The following DAD1 variants were observed in gnomAD, a reference collection of about 807,000 sequenced individuals.
DAD1 encodes dolichyl-diphosphooligosaccharide--protein glycosyltransferase subunit DAD1.
A neutral mutation model predicts 9.0 loss-of-function variants in DAD1; 4 were observed. That is an observed-to-expected ratio of 0.44 (90% CI 0.22 to 1.01). The LOEUF (loss-of-function observed/expected upper bound fraction) is 1.01. DAD1 is among the 50% of genes least tolerant of loss of function. DAD1 has a pLI of 0.24. For missense variants in DAD1, 119 were observed against 137.3 expected (o/e 0.87, Z 0.67); for synonymous variants, 60 against 62.5 (o/e 0.96, Z 0.19).
intron 1 of DAD1, among the ~76,000 whole-genome samples, chr14:22,587,456 T>C (rs1168602897): frequency 6.6e-6 from 1 of 152,076 alleles, no homozygotes; most frequent in African/African-American, 2.4e-5. Flanking sequence ...TGGTGGAGAA[T>C]ACTTAGAGCA....
chr14:22,566,549 G>A (rs1336811226), intron 2 of DAD1, among the ~76,000 whole-genome samples: 1 of 152,052 alleles, frequency 6.6e-6, no homozygotes, highest in Admixed American at 6.5e-5. Context: ...GGTCAGGCTG[G>A]TCTCGAACTC....
intron 2 of DAD1, among the ~76,000 whole-genome samples, chr14:22,569,927 A>C (rs1255595214): frequency 1.3e-5 from 2 of 152,154 alleles, no homozygotes; most frequent in Non-Finnish European, 2.9e-5. Context: ...ACTTGACCCC[A>C]GGGAGTTCCC....
chr14:22,571,314 A>AAAAAAAAG lies in DAD1; in HGVS notation c.*44+3744_*44+3745insCTTTTTTT, dbSNP rs1555305616. On this transcript the variant is annotated intron_variant, in intron 2 of 2. Transcript: ENST00000250498. ...GGGCAAGACAGTAAGACTCTGTCTC[A>AAAAAAAAG]AAAAAAAAAAAAAAAGAATTTCACA... is the stretch of plus-strand genomic sequence containing the variant. 3.2e-3 allele frequency among the ~76,000 whole-genome samples: 54 copies of AAAAAAAAG among 17,132 alleles called. No individual in the cohort carries two copies. The African/African-American group carries it at 0.057, about 18-fold the overall frequency. 11.2% of individuals were successfully genotyped at this position (17,132 alleles called of 152,430 possible).
At chr14:22,588,874 T>C (rs2037172014) in intron 1 of DAD1, 73 bp downstream of exon 1, 10 of 1,474,444 alleles carry the variant, frequency 6.8e-6, no homozygotes, top group South Asian at 4.8e-5. Flanking sequence ...TGGTCTGATA[T>C]AGAGTACTAT....
chr14:22,573,527 G>A (rs1037017608), intron 2 of DAD1, among the ~76,000 whole-genome samples: 16 of 151,976 alleles, frequency 1.1e-4, no homozygotes, highest in African/African-American at 2.9e-4. Context: ...ATCCTAACAC[G>A]GTGAAACTCC....
At chr14:22,582,442 T>G (rs2037123782) in intron 1 of DAD1, among the ~76,000 whole-genome samples, 1 of 149,724 alleles carries the variant, frequency 6.7e-6, no homozygotes, top group African/African-American at 2.5e-5. Flanking sequence ...GAGAATGGCG[T>G]GAACCCGGGA....
At chr14:22,584,738 A>G (rs949627886) in intron 1 of DAD1, among the ~76,000 whole-genome samples, 4 of 152,254 alleles carry the variant, frequency 2.6e-5, no homozygotes, top group African/African-American at 9.6e-5. Flanking sequence ...AGCTGCAGAC[A>G]GCGAGGAAGC....
intron 2 of DAD1, among the ~76,000 whole-genome samples, chr14:22,573,161 G>GTC (rs2037052679): frequency 1.3e-5 from 2 of 151,422 alleles, no homozygotes; most frequent in Non-Finnish European, 2.9e-5. Flanking sequence ...ATGTCTTGAA[G>GTC]GCAGAAGCCA....
intron 1 of DAD1, among the ~76,000 whole-genome samples, chr14:22,580,003 C>G (rs151120192): frequency 3.0e-3 from 445 of 149,028 alleles, no homozygotes; most frequent in African/African-American, 9.7e-3. Flanking sequence ...CCATGCCTAG[C>G]TAATTTTTTT....
chr14:22,582,163 C>T (rs1436018351), intron 1 of DAD1, among the ~76,000 whole-genome samples: 4 of 150,148 alleles, frequency 2.7e-5, no homozygotes, highest in East Asian at 2.0e-4. Context: ...GCTGAGATCG[C>T]GCCACTGCAC....
chr14:22,588,208 T>C (rs1478950228), intron 1 of DAD1, among the ~76,000 whole-genome samples: 1 of 152,226 alleles, frequency 6.6e-6, no homozygotes, highest in East Asian at 1.9e-4. Flanking sequence ...GCTGGCATGT[T>C]TTCAAAGTCA....
At chr14:22,573,236 T>C (rs2037053403) in intron 2 of DAD1, among the ~76,000 whole-genome samples, 1 of 151,916 alleles carries the variant, frequency 6.6e-6, no homozygotes, top group Admixed American at 6.6e-5. Context: ...TGGTCTCAAA[T>C]TCTTGAGCTC....
At chr14:22,580,303 C>T (rs2037107391) in intron 1 of DAD1, among the ~76,000 whole-genome samples, 1 of 151,894 alleles carries the variant, frequency 6.6e-6, no homozygotes, top group African/African-American at 2.4e-5. Context: ...ACCTATGGCC[C>T]CAGCTACTCG....
At chr14:22,565,551 G>A (rs1295983195) in intron 2 of DAD1, among the ~76,000 whole-genome samples, 1 of 152,132 alleles carries the variant, frequency 6.6e-6, no homozygotes, top group Non-Finnish European at 1.5e-5. Context: ...TTCCATTGGT[G>A]GGGAGGCAGG....
At chr14:22,573,293 T>C (rs1217231010) in intron 2 of DAD1, among the ~76,000 whole-genome samples, 1 of 151,914 alleles carries the variant, frequency 6.6e-6, no homozygotes, top group Non-Finnish European at 1.5e-5. Flanking sequence ...ATTATAGGCA[T>C]GAACCACCAC....
chr14:22,574,923 C>A (rs1279371341), intron 2 of DAD1, 136 bp downstream of exon 2: 18 of 664,586 alleles, frequency 2.7e-5, no homozygotes, highest in Non-Finnish European at 4.0e-5. Context: ...TTAATGCATA[C>A]TTTGCAGACC....
chr14:22,567,364 C>A (rs2037008246), intron 2 of DAD1, among the ~76,000 whole-genome samples: 1 of 152,166 alleles, frequency 6.6e-6, no homozygotes, highest in Admixed American at 6.5e-5. Flanking sequence ...ATTCTAGTCA[C>A]CCAATTAAAA....
intron 1 of DAD1, among the ~76,000 whole-genome samples, chr14:22,577,114 T>G (rs566117399): frequency 6.6e-6 from 1 of 152,160 alleles, no homozygotes; most frequent in African/African-American, 2.4e-5. Flanking sequence ...CAATTCCACT[T>G]CTGGGTACAT....
chr14:22,586,079 G>A (rs1297095550), intron 1 of DAD1, among the ~76,000 whole-genome samples: 1 of 152,002 alleles, frequency 6.6e-6, no homozygotes, highest in Non-Finnish European at 1.5e-5. Flanking sequence ...GGTGGCAGGC[G>A]CCTGCAGTCC....
Sources: gnomAD v4.1 joint callset for allele counts (sites outside exome capture counted in the v4.1 genomes callset) on GRCh38, gnomAD v4.1.1 for gene constraint, MANE v1.5 for transcripts, NCBI Gene and HGNC (gene_info 2026-07-23, HGNC 2026-07-21) for gene names.